Variants in NFATC2 observed in about 807,000 individuals in gnomAD.
The protein encoded by NFATC2 is nuclear factor of activated T-cells, cytoplasmic 2.
In NFATC2, 22 loss-of-function variants were observed where a neutral mutation model predicts 87.3. The observed-to-expected ratio is 0.25, with a 90% CI of 0.18 to 0.36. The LOEUF is 0.36. NFATC2 is among the 10% of genes least tolerant of loss of function. NFATC2 has a pLI of 1.00. For synonymous variants in NFATC2, 565 were observed against 542.2 expected, an observed-to-expected ratio of 1.04 and a Z score of -0.58; for missense variants, 1,149 against 1,259.1, an observed-to-expected ratio of 0.91 and a Z score of 1.32.
chr20:51,540,667 T>TTTTTTTTTTTTTTTTTTTTGTTTG (rs1555818370), intron 1 of NFATC2, among the ~76,000 whole-genome samples: 1 of 147,232 alleles, frequency 6.8e-6, no homozygotes, highest in Non-Finnish European at 1.5e-5. Flanking sequence ...TGTTTTTTTT[T>TTTTTTTTTTTTTTTTTTTTGTTTG]TTTTGAGAAA....
At chr20:51,525,986 G>A (rs540102297) in intron 1 of NFATC2, among the ~76,000 whole-genome samples, 7 of 129,102 alleles carry the variant, frequency 5.4e-5, no homozygotes, top group East Asian at 5.2e-4. Context: ...CCTCTTCGCC[G>A]TACTTAAGCA....
chr20:51,398,571 A>ATACTTTACTT, intron 10 of NFATC2, 72 bp downstream of exon 10: 2 of 1,242 alleles, frequency 1.6e-3, no homozygotes, highest in East Asian at 0.25. Context: ...TACTTTACTT[A>ATACTTTACTT]AAAAAAAAAA....
At chr20:51,426,491 T>A (rs1449478549) in intron 9 of NFATC2, among the ~76,000 whole-genome samples, 1 of 25,466 alleles carries the variant, frequency 3.9e-5, no homozygotes, top group African/African-American at 3.7e-4. Flanking sequence ...AAAAAAAAAA[T>A]CATAAACAAA....
intron 8 of NFATC2, among the ~76,000 whole-genome samples, chr20:51,433,919 G>C (rs1983176139): frequency 6.6e-6 from 1 of 152,124 alleles, no homozygotes; most frequent in South Asian, 2.1e-4. Context: ...GCCCAACTGG[G>C]AGACTGAGAG....
intron 9 of NFATC2, among the ~76,000 whole-genome samples, chr20:51,412,802 C>T (rs1389063117): frequency 3.3e-5 from 5 of 152,038 alleles, no homozygotes; most frequent in East Asian, 1.9e-4. Context: ...CTGGGCTAGA[C>T]GTTTGGCATG....
chr20:51,499,437 TGAGAAA>T (rs952489514), intron 3 of NFATC2, among the ~76,000 whole-genome samples: 3 of 151,934 alleles, frequency 2.0e-5, no homozygotes, highest in African/African-American at 4.8e-5. Flanking sequence ...GAGAAGCAGA[TGAGAAA>T]GAGAAAGAGA....
intron 3 of NFATC2, among the ~76,000 whole-genome samples, chr20:51,487,572 A>T (rs1441150299): frequency 6.6e-6 from 1 of 152,256 alleles, no homozygotes; most frequent in Non-Finnish European, 1.5e-5. Context: ...AGACATCTGG[A>T]TGAGCCATAA....
chr20:51,495,279 G>T (rs1169589022), intron 3 of NFATC2, among the ~76,000 whole-genome samples: 11 of 152,128 alleles, frequency 7.2e-5, no homozygotes, highest in Admixed American at 7.2e-4. Context: ...GTAGACACGG[G>T]ATTTCACCAT....
chr20:51,497,379 T>C (rs957116357), intron 3 of NFATC2, among the ~76,000 whole-genome samples: 2 of 152,214 alleles, frequency 1.3e-5, no homozygotes, highest in Non-Finnish European at 2.9e-5. Flanking sequence ...CACGTGGATG[T>C]GTAAGCACTT....
At chr20:51,518,908 C>T (rs1424099074) in intron 2 of NFATC2, among the ~76,000 whole-genome samples, 1 of 152,152 alleles carries the variant, frequency 6.6e-6, no homozygotes, top group African/African-American at 2.4e-5. Context: ...TCAAACTATC[C>T]TCCTGCTTCA....
chr20:51,532,242 A>T (rs764666340), intron 1 of NFATC2, among the ~76,000 whole-genome samples: 4 of 152,136 alleles, frequency 2.6e-5, no homozygotes, highest in Non-Finnish European at 5.9e-5. Flanking sequence ...AGGCTCAGAG[A>T]GGGTGAGTAA....
intron 9 of NFATC2, among the ~76,000 whole-genome samples, chr20:51,404,018 G>C (rs1251928385): frequency 3.9e-5 from 6 of 152,162 alleles, no homozygotes; most frequent in African/African-American, 1.4e-4. Flanking sequence ...GCATCCCATG[G>C]CTGGTCCGTG....
intron 3 of NFATC2, among the ~76,000 whole-genome samples, chr20:51,479,484 T>G (rs937643834): frequency 1.6e-4 from 24 of 152,162 alleles, no homozygotes; most frequent in Non-Finnish European, 2.9e-4. Flanking sequence ...CCAGGCATAG[T>G]GTCGCACGTC....
At chr20:51,426,106 C>T (rs1488024662) in intron 9 of NFATC2, among the ~76,000 whole-genome samples, 1 of 120,232 alleles carries the variant, frequency 8.3e-6, no homozygotes, top group Non-Finnish European at 2.0e-5. Flanking sequence ...CTCCAAAGAT[C>T]AGAGTAGCCC....
intron 6 of NFATC2, among the ~76,000 whole-genome samples, chr20:51,451,997 G>T (rs1349175475): frequency 6.6e-6 from 1 of 152,104 alleles, no homozygotes; most frequent in African/African-American, 2.4e-5. Flanking sequence ...GAAACCATCA[G>T]CCCATCTCCC....
intron 5 of NFATC2, among the ~76,000 whole-genome samples, chr20:51,459,495 T>C (rs955841755): frequency 6.6e-6 from 1 of 152,158 alleles, no homozygotes; most frequent in African/African-American, 2.4e-5. Context: ...CTGATGTCAC[T>C]CTGTCCGGGT....
At chr20:51,408,829 T>C (rs1248154767) in intron 9 of NFATC2, among the ~76,000 whole-genome samples, 7 of 152,116 alleles carry the variant, frequency 4.6e-5, no homozygotes, top group Admixed American at 2.6e-4. Flanking sequence ...TCTGAATCAG[T>C]TGGAAAGCTT....
chr20:51,469,837 A>C (rs1256617851), intron 5 of NFATC2, among the ~76,000 whole-genome samples: 2 of 152,196 alleles, frequency 1.3e-5, no homozygotes, highest in South Asian at 4.1e-4. Context: ...AGCAGGAACC[A>C]ACCCTGCTGA....
At chr20:51,555,573 G>A (rs1210439109) in intron 1 of NFATC2, among the ~76,000 whole-genome samples, 6 of 150,676 alleles carry the variant, frequency 4.0e-5, no homozygotes, top group South Asian at 2.1e-4. Context: ...CAGCCTGGGC[G>A]ACAGAGTGAG....
Sources: allele counts gnomAD v4.1 joint callset (sites outside exome capture counted in the v4.1 genomes callset), GRCh38; gene constraint gnomAD v4.1.1; transcripts MANE v1.5; gene names NCBI Gene and HGNC (gene_info 2026-07-23, HGNC 2026-07-21).